The following ARL10 variants were observed in gnomAD, a reference collection of about 807,000 sequenced individuals.
ARL10 encodes the protein ARF like GTPase 10, also known as ADP-ribosylation factor-like protein 10.
A neutral mutation model predicts 26.1 loss-of-function variants in ARL10; 23 were observed. The ratio of observed to expected loss-of-function variants is 0.88; its 90% confidence interval spans 0.63 to 1.25. ARL10 has a LOEUF of 1.25. Ranked by LOEUF, ARL10 falls within the 50% of genes most tolerant of loss-of-function variation. The pLI, the probability that ARL10 is intolerant of heterozygous loss-of-function variation, is 0.00. For synonymous variants in ARL10, 138 were observed against 149.1 expected (o/e 0.93, Z 0.54); for missense variants, 300 against 323.6 (o/e 0.93, Z 0.56).
chr5:176,389,736 A>G (rs1756184635), downstream of ARL10: 2 of 430,720 alleles, frequency 4.6e-6, no homozygotes, highest in Non-Finnish European at 8.2e-6. Flanking sequence ...CTGCTTAATA[A>G]ACTCTAAAAA....
chr5:176,398,168 G>A, intron 1 of ARL10: 1 of 802,418 alleles, frequency 1.2e-6, no homozygotes. Flanking sequence ...CATACCCACT[G>A]TCTCTGGTGA....
chr5:176,368,132 G>T lies in ARL10; in HGVS notation c.386-675G>T, dbSNP rs1214979782. 2.2e-6 allele frequency: 1 copy of T among 462,684 alleles called. No homozygotes were observed. Among genetic ancestry groups the T allele is most frequent in the African/African-American group, 2.0e-5 (1 of 49,754 alleles). 28.7% of individuals were successfully genotyped at this position (462,684 alleles called of 1,614,324 possible). Reference sequence around the variant, plus strand: ...CACTAGGGTGCGGGGTGACCAATGGGACTGTGCAGAGGAGCAGAGAGGAAA... The same window carrying T: ...CACTAGGGTGCGGGGTGACCAATGGTACTGTGCAGAGGAGCAGAGAGGAAA... On this transcript the variant is annotated intron_variant, in intron 2 of 3. Transcript: ENST00000310389. This position sits in a 1 kb window ranked among gnomAD's most constrained non-coding sequence, Gnocchi z 4.1.
intron 1 of ARL10, chr5:176,397,566 CAT>C (rs1367196002): frequency 7.6e-7 from 1 of 1,324,384 alleles, no homozygotes; most frequent in African/African-American, 1.5e-5. Flanking sequence ...CAGCCCCCCT[CAT>C]GTCCCCATGG....
chr5:176,366,347 G>A (rs775003170), intron 1 of ARL10, 33 bp from the exon 2 acceptor site: 25 of 1,570,004 alleles, frequency 1.6e-5, no homozygotes, highest in Non-Finnish European at 2.1e-5. Flanking sequence ...TCGGGAGGCC[G>A]CCAGCCGCAA....
intron 1 of ARL10, among the ~76,000 whole-genome samples, chr5:176,395,639 G>A (rs985365957): frequency 3.3e-5 from 5 of 152,146 alleles, no homozygotes; most frequent in Non-Finnish European, 5.9e-5. Context: ...TAACCTGTTT[G>A]CCAACCCTGG....
At position 176,379,147 on chromosome 5, in the gene ARL10, A is replaced by G. The variant is rs1328815156; in HGVS notation, c.*7252A>G. On this transcript the variant is annotated 3_prime_UTR_variant, in exon 4 of 4. Coordinates refer to ENST00000310389, the MANE Select transcript of ARL10 (RefSeq NM_173664.6). ...GTGATGGGCCTGTGCTTTCCCAACT[A>G]TGTTCTTTTTTATGTATGTATGTAT... The G allele has an allele frequency of 2.0e-5, 3 of 151,978 alleles. No individual in the cohort carries two copies. Among genetic ancestry groups the G allele is most frequent in the Admixed American group, 1.3e-4 (2 of 15,246 alleles). 9.4% of individuals were successfully genotyped at this position (151,978 alleles called of 1,614,324 possible). A position where few individuals can be genotyped will look rare whatever the true frequency, so the allele number is the denominator to read the frequency against.
At chr5:176,403,128 C>A (rs1297008555), downstream of ARL10, among the ~76,000 whole-genome samples, 2 of 150,360 alleles carry the variant, frequency 1.3e-5, no homozygotes, top group Admixed American at 6.6e-5. Context: ...CGGCTCACTG[C>A]AACCTTGGCC....
intron 3 of ARL10, among the ~76,000 whole-genome samples, chr5:176,371,476 A>C (rs183891909): frequency 2.2e-3 from 340 of 152,312 alleles, no homozygotes; most frequent in African/African-American, 7.9e-3. Context: ...AGGGGTCCAG[A>C]GGCTACTTCT....
chr5:176,373,198 A>T lies in ARL10; in HGVS notation c.*1303A>T. ...CAGGAATAGCAGACCAGCCAACGGG[A>T]TGGCCTTGGGTACATCACTCAGCCT... On this transcript the variant is annotated 3_prime_UTR_variant, in exon 4 of 4. Transcript: ENST00000310389. 2.5e-6 allele frequency: 1 copy of T among 396,404 alleles called. No individual in the cohort carries two copies. The highest frequency in any genetic ancestry group is 4.4e-6 in the Non-Finnish European group (1 of 225,154). 24.6% of individuals were successfully genotyped at this position (396,404 alleles called of 1,614,324 possible).
chr5:176,393,067 C>A, downstream of ARL10: 3 of 1,137,758 alleles, frequency 2.6e-6, no homozygotes, highest in East Asian at 2.4e-5. The surrounding 1 kb of genome is among the most constrained non-coding windows in gnomAD (Gnocchi z 4.4). Context: ...TTGTGCCCCC[C>A]TGACTTCAGA....
chr5:176,396,984 C>T (rs1756555473), intron 1 of ARL10, among the ~76,000 whole-genome samples: 1 of 152,148 alleles, frequency 6.6e-6, no homozygotes, highest in African/African-American at 2.4e-5. Flanking sequence ...TAGTCATCTT[C>T]CAAAGCCCAA....
downstream of ARL10, among the ~76,000 whole-genome samples, chr5:176,403,219 T>C (rs1756915874): frequency 6.6e-6 from 1 of 151,948 alleles, no homozygotes; most frequent in Non-Finnish European, 1.5e-5. Flanking sequence ...CTGGCTACTT[T>C]TTTTATTTTT....
At chr5:176,393,013 C>T, downstream of ARL10, 1 of 1,574,254 alleles carries the variant, frequency 6.4e-7, no homozygotes, top group Non-Finnish European at 8.7e-7. The surrounding 1 kb of genome is among the most constrained non-coding windows in gnomAD (Gnocchi z 4.4). Context: ...TTGAGCAAGG[C>T]TGCTTTGCCC....
chr5:176,371,607 G>A (rs1461739344), intron 3 of ARL10, 115 bp from the exon 4 acceptor site: 1 of 668,838 alleles, frequency 1.5e-6, no homozygotes, highest in East Asian at 2.5e-5. Flanking sequence ...TAAGAACAGT[G>A]TGTTTCCTGA....
Position 176,371,925 on chromosome 5 carries a change from G to A in ARL10, c.*30G>A, listed in dbSNP as rs1414374018. 1 of 1,608,424 alleles carries A rather than the reference G, an allele frequency of 6.2e-7. No individual in the cohort carries two copies. The highest frequency in any genetic ancestry group is 1.3e-5 in the African/African-American group (1 of 74,876). On this transcript the variant is annotated 3_prime_UTR_variant, in exon 4 of 4. Coordinates refer to ENST00000310389, the MANE Select transcript of ARL10 (RefSeq NM_173664.6). ...GAGCTCTCCTGCTTGCCACCTGCCT[G>A]TCAAGACCATAGTTGTACTGCTGCT...
chr5:176,369,064 C>T, intron 3 of ARL10, 82 bp downstream of exon 3: 1 of 1,564,572 alleles, frequency 6.4e-7, no homozygotes, highest in Non-Finnish European at 8.6e-7. Flanking sequence ...GCTGCCTGGG[C>T]CCATGGCCTG....
chr5:176,390,726 C>T (rs978198264), downstream of ARL10, among the ~76,000 whole-genome samples: 10 of 151,830 alleles, frequency 6.6e-5, no homozygotes, highest in South Asian at 4.2e-4. Flanking sequence ...GGATTACAGA[C>T]GTGAGCCACC....
At chr5:176,384,555 G>A (rs1581403991), downstream of ARL10, 5 of 624,014 alleles carry the variant, frequency 8.0e-6, no homozygotes, top group East Asian at 1.4e-4. Flanking sequence ...GGGAGGCCGA[G>A]GTGGGAGGAT....
intron 3 of ARL10, among the ~76,000 whole-genome samples, chr5:176,370,155 C>T (rs2113550040): frequency 6.6e-6 from 1 of 152,290 alleles, no homozygotes; most frequent in African/African-American, 2.4e-5. Context: ...AAGCACCTGA[C>T]AATCATGACC....
Sources: gnomAD v4.1 joint callset for allele counts (sites outside exome capture counted in the v4.1 genomes callset) on GRCh38, gnomAD v4.1.1 for gene constraint, Gnocchi (gnomAD v3.1) non-coding constraint, MANE v1.5 for transcripts, NCBI Gene and HGNC (gene_info 2026-07-23, HGNC 2026-07-21) for gene names.